The following PCMTD1 variants were observed in gnomAD, a reference collection of about 807,000 sequenced individuals.
PCMTD1 encodes protein-L-isoaspartate O-methyltransferase domain-containing protein 1.
PCMTD1 carries 12 observed loss-of-function variants against 37.6 expected under a neutral mutation model. The observed-to-expected ratio is 0.32, with a 90% confidence interval of 0.20 to 0.52. The LOEUF is 0.52. Among genes scored for constraint, PCMTD1 ranks in the 20% least tolerant of loss-of-function variants. The probability of loss-of-function intolerance (pLI) is 0.97; values close to 1 mark genes in which losing one functional copy is unlikely to be tolerated. For synonymous variants in PCMTD1, 117 were observed against 135.8 expected (o/e 0.86, Z 0.96); for missense variants, 235 against 421.3 (o/e 0.56, Z 3.87).
intron 1 of PCMTD1, among the ~76,000 whole-genome samples, chr8:51,888,789 T>C (rs1002479028): frequency 6.6e-6 from 1 of 152,218 alleles, no homozygotes; most frequent in Admixed American, 6.5e-5. Context: ...TTATATAGTG[T>C]ATTAGTTCTA....
chr8:51,848,737 A>G (rs547258106), intron 2 of PCMTD1, among the ~76,000 whole-genome samples: 1 of 152,108 alleles, frequency 6.6e-6, no homozygotes, highest in Non-Finnish European at 1.5e-5. Context: ...ATATGTAAAG[A>G]ATTTGACAAA....
chr8:51,887,314 T>G (rs1447212215), intron 1 of PCMTD1, among the ~76,000 whole-genome samples: 1 of 152,160 alleles, frequency 6.6e-6, no homozygotes, highest in African/African-American at 2.4e-5. Context: ...TGCTGTTCCA[T>G]AGAGAATCAG....
At chr8:51,888,207 T>C (rs1191241585) in intron 1 of PCMTD1, among the ~76,000 whole-genome samples, 1 of 152,166 alleles carries the variant, frequency 6.6e-6, no homozygotes, top group East Asian at 1.9e-4. Flanking sequence ...AGAAGTTCAG[T>C]TCAATAGAGT....
At chr8:51,864,572 G>C (rs140698997) in intron 1 of PCMTD1, among the ~76,000 whole-genome samples, 1 of 152,088 alleles carries the variant, frequency 6.6e-6, no homozygotes, top group African/African-American at 2.4e-5. Flanking sequence ...AGGACTTTTG[G>C]GACGTTCACA....
At chr8:51,865,050 T>C (rs1384352534) in intron 1 of PCMTD1, among the ~76,000 whole-genome samples, 1 of 152,106 alleles carries the variant, frequency 6.6e-6, no homozygotes, top group East Asian at 1.9e-4. Flanking sequence ...CATAAGAGAC[T>C]ATGAACAATT....
intron 1 of PCMTD1, among the ~76,000 whole-genome samples, chr8:51,864,373 GAAC>G (rs929641681): frequency 1.3e-5 from 2 of 152,140 alleles, no homozygotes; most frequent in African/African-American, 4.8e-5. Context: ...CAGTGGACTT[GAAC>G]AACGCTTTAG....
chr8:51,886,531 TAAAG>T (rs2129293883), intron 1 of PCMTD1, among the ~76,000 whole-genome samples: 1 of 152,222 alleles, frequency 6.6e-6, no homozygotes, highest in African/African-American at 2.4e-5. Context: ...CTTTTATCAA[TAAAG>T]AAAGCAGCTC....
intron 3 of PCMTD1, among the ~76,000 whole-genome samples, chr8:51,837,320 A>C (rs1474901680): frequency 6.6e-6 from 1 of 152,202 alleles, no homozygotes; most frequent in Non-Finnish European, 1.5e-5. Flanking sequence ...TTCCTTTACC[A>C]GAATACTCAA....
At chr8:51,847,816 A>C (rs2038244139) in intron 2 of PCMTD1, among the ~76,000 whole-genome samples, 1 of 148,712 alleles carries the variant, frequency 6.7e-6, no homozygotes, top group African/African-American at 2.5e-5. Flanking sequence ...GGTGACTCAC[A>C]CCTATAATCC....
At chr8:51,879,802 TG>T (rs1372710950) in intron 1 of PCMTD1, among the ~76,000 whole-genome samples, 2 of 151,940 alleles carry the variant, frequency 1.3e-5, no homozygotes, top group Non-Finnish European at 2.9e-5. Context: ...AAAACCAAAC[TG>T]GGGGAAAAAA....
rs375256441 is a variant in PCMTD1, at chr8:51,858,981, T to C, written c.307+1864A>G. ...CATCTGGCCACAGACATCTAATCTCTTGGAGCCTGGGACTAAGGTAATGAG... is the reference window on the plus strand; with the variant it reads ...CATCTGGCCACAGACATCTAATCTCCTGGAGCCTGGGACTAAGGTAATGAG... On this transcript the variant is annotated intron_variant, in intron 2 of 5. Transcript: ENST00000522514. 7.7e-4 allele frequency among the ~76,000 whole-genome samples: 117 copies of C among 152,296 alleles called. 1 individual carries two copies. Among genetic ancestry groups the C allele is most frequent in the Middle Eastern group, 3.4e-3 (1 of 294 alleles).
chr8:51,853,679 T>C (rs1199332989), intron 2 of PCMTD1, among the ~76,000 whole-genome samples: 2 of 152,148 alleles, frequency 1.3e-5, no homozygotes. Flanking sequence ...ACTATATTAT[T>C]TATTTTACAA....
At chr8:51,846,447 G>GA (rs2038221413) in intron 2 of PCMTD1, among the ~76,000 whole-genome samples, 1 of 152,180 alleles carries the variant, frequency 6.6e-6, no homozygotes. Flanking sequence ...CCCTCACCCT[G>GA]AAAATACGAG....
intron 2 of PCMTD1, among the ~76,000 whole-genome samples, chr8:51,858,902 A>G (rs975180879): frequency 6.6e-6 from 1 of 152,194 alleles, no homozygotes; most frequent in Non-Finnish European, 1.5e-5. Flanking sequence ...CACATTGCCC[A>G]TGTCGTGATT....
intron 1 of PCMTD1, chr8:51,895,942 T>TC (rs1464222357): frequency 3.6e-5 from 1 of 28,092 alleles, no homozygotes; most frequent in East Asian, 1.3e-3. Context: ...CCATTTCTTT[T>TC]TTTTTTTTTT....
chr8:51,843,575 G>A (rs1254489026), intron 3 of PCMTD1, among the ~76,000 whole-genome samples: 2 of 146,620 alleles, frequency 1.4e-5, no homozygotes, highest in East Asian at 4.0e-4. Flanking sequence ...ATAAGCCAGG[G>A]AAATTTGAGT....
chr8:51,859,814 T>G (rs1267864412), intron 2 of PCMTD1, among the ~76,000 whole-genome samples: 6 of 152,218 alleles, frequency 3.9e-5, no homozygotes, highest in Non-Finnish European at 8.8e-5. Flanking sequence ...CCCCATCACT[T>G]TAGAATGAAT....
chr8:51,898,827 CCTGGCCCT>C (rs1425213222), intron 1 of PCMTD1, 95 bp downstream of exon 1: 2 of 1,136,882 alleles, frequency 1.8e-6, no homozygotes, highest in African/African-American at 3.2e-5. Flanking sequence ...CTGCCGTCCC[CCTGGCCCT>C]CTGGCCTCCA....
intron 5 of PCMTD1, among the ~76,000 whole-genome samples, chr8:51,824,173 CATAGTA>C (rs1358615218): frequency 1.3e-5 from 2 of 152,174 alleles, no homozygotes; most frequent in Admixed American, 1.3e-4. Flanking sequence ...TCCTATTCAA[CATAGTA>C]TTGGAAGTTC....
Sources: gnomAD v4.1 joint callset for allele counts (sites outside exome capture counted in the v4.1 genomes callset) on GRCh38, gnomAD v4.1.1 for gene constraint, MANE v1.5 for transcripts, NCBI Gene and HGNC (gene_info 2026-07-23, HGNC 2026-07-21) for gene names.